Variants in SMIM45 observed in about 807,000 individuals in gnomAD.
SMIM45 encodes small integral membrane protein 45.
chr22:41,957,314 C>G, the SMIM45 span, among the ~76,000 whole-genome samples: 1 of 151,280 alleles, frequency 6.6e-6, no homozygotes, highest in Non-Finnish European at 1.5e-5. Context: ...CTGCGTCAGC[C>G]TCCGGAGTAG....
the SMIM45 span, among the ~76,000 whole-genome samples, chr22:41,949,729 G>A: frequency 3.9e-5 from 6 of 152,204 alleles, no homozygotes; most frequent in Non-Finnish European, 5.9e-5. Context: ...AAGAGACAAG[G>A]CACTGCAGTT....
chr22:41,948,724 C>T, the SMIM45 span, among the ~76,000 whole-genome samples: 1 of 152,164 alleles, frequency 6.6e-6, no homozygotes, highest in Admixed American at 6.5e-5. Flanking sequence ...TTGAGGCCAG[C>T]CTAGGCAATA....
chr22:41,953,865 C>G, the SMIM45 span, among the ~76,000 whole-genome samples: 1 of 150,678 alleles, frequency 6.6e-6, no homozygotes, highest in African/African-American at 2.4e-5. Context: ...ATTCTCCTGC[C>G]TCAGCCTCCC....
At chr22:41,950,440 G>A in the SMIM45 span, among the ~76,000 whole-genome samples, 1 of 152,230 alleles carries the variant, frequency 6.6e-6, no homozygotes, top group Non-Finnish European at 1.5e-5. Flanking sequence ...GCTCACGCCT[G>A]TAATCCCAGT....
At chr22:41,947,257 C>A in the SMIM45 span, 1 of 607,078 alleles carries the variant, frequency 1.6e-6, no homozygotes, top group Non-Finnish European at 2.9e-6. Flanking sequence ...GGCGTTCCAG[C>A]GCTACCCGTG....
At chr22:41,948,404 A>G in the SMIM45 span, among the ~76,000 whole-genome samples, 86,893 of 151,976 alleles carry the variant, frequency 0.57, 28,151 homozygotes, top group African/African-American at 0.87. Flanking sequence ...AGACAATGAT[A>G]ACAGTGTGTT....
At chr22:41,954,474 G>T in the SMIM45 span, among the ~76,000 whole-genome samples, 1 of 152,216 alleles carries the variant, frequency 6.6e-6, no homozygotes, top group East Asian at 1.9e-4. Context: ...CCAAAATGCT[G>T]GAATTACAGG....
At chr22:41,956,589 G>A in the SMIM45 span, among the ~76,000 whole-genome samples, 1 of 152,196 alleles carries the variant, frequency 6.6e-6, no homozygotes, top group Admixed American at 6.5e-5. Context: ...GGGGCTCAGG[G>A]GCACAAGGAG....
At chr22:41,958,545 T>TGGGGGCAA in the SMIM45 span, 1 of 359,248 alleles carries the variant, frequency 2.8e-6, no homozygotes, top group Non-Finnish European at 5.5e-6. Context: ...AGATGAGATG[T>TGGGGGCAA]GTATATGTGA....
At chr22:41,958,461 T>C in the SMIM45 span, 1 of 421,666 alleles carries the variant, frequency 2.4e-6, no homozygotes. Context: ...GATAAGACCG[T>C]GGTAGAGGAG....
At chr22:41,947,900 G>T in the SMIM45 span, among the ~76,000 whole-genome samples, 2 of 152,194 alleles carry the variant, frequency 1.3e-5, no homozygotes, top group Non-Finnish European at 2.9e-5. Context: ...CTCCTGAGTA[G>T]CTGGGACTAC....
the SMIM45 span, among the ~76,000 whole-genome samples, chr22:41,956,434 AG>A: frequency 6.6e-6 from 1 of 152,134 alleles, no homozygotes; most frequent in Non-Finnish European, 1.5e-5. Flanking sequence ...GATATCAACC[AG>A]GTCTCCTTCA....
chr22:41,952,375 G>T, the SMIM45 span: 1 of 152,352 alleles, frequency 6.6e-6, no homozygotes, highest in African/African-American at 2.4e-5. Flanking sequence ...GGCTGAGGCG[G>T]TGTGCTCAGC....
chr22:41,948,197 T>C, the SMIM45 span, among the ~76,000 whole-genome samples: 1 of 152,198 alleles, frequency 6.6e-6, no homozygotes, highest in Non-Finnish European at 1.5e-5. Context: ...TTTGTCACTT[T>C]GTATGTCCAG....
At chr22:41,947,207 G>A in the SMIM45 span, 1 of 782,056 alleles carries the variant, frequency 1.3e-6, no homozygotes, top group Non-Finnish European at 2.1e-6. Context: ...ACGGGACGGG[G>A]CCTCTTAAAG....
At chr22:41,957,433 A>G in the SMIM45 span, among the ~76,000 whole-genome samples, 1 of 147,612 alleles carries the variant, frequency 6.8e-6, no homozygotes, top group South Asian at 2.1e-4. Context: ...TGATCTCCTG[A>G]CCTCGTGATC....
chr22:41,949,878 A>C, the SMIM45 span, among the ~76,000 whole-genome samples: 1 of 152,058 alleles, frequency 6.6e-6, no homozygotes, highest in Non-Finnish European at 1.5e-5. Context: ...AGATCCATAC[A>C]TGATGAAGGG....
the SMIM45 span, chr22:41,947,147 T>C: frequency 1.9e-5 from 28 of 1,483,144 alleles, no homozygotes; most frequent in African/African-American, 2.8e-4. Flanking sequence ...GTCCAGCCCC[T>C]AGAGCGCGGC....
the SMIM45 span, among the ~76,000 whole-genome samples, chr22:41,949,522 A>G: frequency 1.3e-5 from 2 of 152,226 alleles, no homozygotes; most frequent in Non-Finnish European, 2.9e-5. Flanking sequence ...GGAGGAGGTG[A>G]GGCCACGGAG....
Sources: gnomAD v4.1 joint callset for allele counts (sites outside exome capture counted in the v4.1 genomes callset) on GRCh38, gnomAD v4.1.1 for gene constraint, MANE v1.5 for transcripts, NCBI Gene and HGNC (gene_info 2026-07-23, HGNC 2026-07-21) for gene names.